Variants in PTPRK observed in about 807,000 individuals in gnomAD.
PTPRK encodes the protein receptor-type tyrosine-protein phosphatase kappa.
Under a neutral mutation model 178.0 loss-of-function variants are expected in PTPRK, and 75 were observed. The observed-to-expected ratio is 0.42, with a 90% CI of 0.35 to 0.51. The LOEUF (loss-of-function observed/expected upper bound fraction) is 0.51. PTPRK is among the 20% of genes least tolerant of loss of function. The pLI is 0.02. For synonymous variants in PTPRK, 637 were observed against 620.6 expected, an observed-to-expected ratio of 1.03 and a Z score of -0.39; for missense variants, 1,441 against 1,797.8, an observed-to-expected ratio of 0.80 and a Z score of 3.59.
Position 128,375,665 on chromosome 6 carries a change from A to G in PTPRK, c.223+21901T>C, listed in dbSNP as rs548132403. 6.6e-5 allele frequency among the ~76,000 whole-genome samples: 10 copies of G among 152,274 alleles called. No individual in the cohort carries two copies. The South Asian group carries it at 1.2e-3, about 19-fold the overall frequency. ...GTCCCCCAAAGTCTCAGCTCATTTC[A>G]GCATTAACTCAAAAGTCCACAGTCC... On this transcript the variant is annotated intron_variant, in intron 2 of 29. Transcript: ENST00000368226.
intron 1 of PTPRK, among the ~76,000 whole-genome samples, chr6:128,442,105 A>G (rs576196996): frequency 6.6e-6 from 1 of 152,316 alleles, no homozygotes; most frequent in South Asian, 2.1e-4. Context: ...TCTTCAAAAT[A>G]CTTCATAATG....
In PTPRK at chr6:127,970,056, T is replaced by C. The variant is rs185391565; in HGVS notation, c.*171A>G. On this transcript the variant is annotated 3_prime_UTR_variant, in exon 30 of 30. Transcript: ENST00000368226. ...ATAGTAATAAAAACTAATTCAGTCC[T>C]TTTTATTAAGATACACAACTTCATA... The C allele has an allele frequency of 1.9e-3, 927 of 500,768 alleles. 7 individuals carry two copies. Among genetic ancestry groups the C allele is most frequent in the African/African-American group, 0.017 (842 of 50,604 alleles). 31.0% of individuals were successfully genotyped at this position (500,768 alleles called of 1,614,324 possible).
chr6:128,137,805 A>T (rs1318634533), intron 7 of PTPRK, among the ~76,000 whole-genome samples: 1 of 152,170 alleles, frequency 6.6e-6, no homozygotes, highest in East Asian at 1.9e-4. Flanking sequence ...AGTAATGCAA[A>T]ATTTAGTAGG....
At chr6:128,187,960 A>G (rs560532879) in intron 6 of PTPRK, among the ~76,000 whole-genome samples, 2 of 152,252 alleles carry the variant, frequency 1.3e-5, no homozygotes, top group African/African-American at 4.8e-5. Context: ...TAAAATTTCT[A>G]TTCATTTCAA....
chr6:128,232,394 TA>T (rs1201442792), intron 5 of PTPRK, among the ~76,000 whole-genome samples: 2 of 152,218 alleles, frequency 1.3e-5, no homozygotes, highest in Non-Finnish European at 2.9e-5. Flanking sequence ...AAAAGTATCT[TA>T]AAAAGTAGTT....
chr6:128,115,692 G>A (rs1041422560), intron 7 of PTPRK, among the ~76,000 whole-genome samples: 1 of 151,822 alleles, frequency 6.6e-6, no homozygotes, highest in East Asian at 1.9e-4. Flanking sequence ...AGATATAAAA[G>A]GGATTTCAAA....
At position 127,998,758 on chromosome 6, in the gene PTPRK, TC is replaced by T; in HGVS notation, c.2640del (p.Met880IlefsTer26). ...TTGAACCCATAGCTGTCTGATGTCT[TC>T]ATGAGATTAATGTGCTGCAGTAAAT... ...VADLLQHINL[M>X]KTSDSYGFKE... On this transcript the variant is annotated frameshift_variant, in exon 16 of 30. Transcript: ENST00000368226. LOFTEE classifies it high-confidence loss of function. 6.2e-7 allele frequency: 1 copy of T among 1,607,068 alleles called. No individual in the cohort carries two copies. Among genetic ancestry groups the T allele is most frequent in the Non-Finnish European group, 8.5e-7 (1 of 1,175,654 alleles).
chr6:128,132,414 C>T (rs113906853), intron 7 of PTPRK, among the ~76,000 whole-genome samples: 3,880 of 152,262 alleles, frequency 0.025, 76 homozygotes, highest in Middle Eastern at 0.095. Flanking sequence ...CCTCGTGATC[C>T]GCCCGCCTCG....
intron 5 of PTPRK, among the ~76,000 whole-genome samples, chr6:128,228,837 A>G (rs1412785222): frequency 2.0e-5 from 3 of 152,202 alleles, no homozygotes; most frequent in African/African-American, 7.2e-5. Flanking sequence ...GCATATCTAG[A>G]AAAAATAGGT....
intron 7 of PTPRK, among the ~76,000 whole-genome samples, chr6:128,099,192 A>ATT (rs1262281160): frequency 2.7e-4 from 40 of 149,398 alleles, no homozygotes; most frequent in African/African-American, 8.9e-4. Context: ...ATATATATAT[A>ATT]TATATTTTTT....
intron 3 of PTPRK, among the ~76,000 whole-genome samples, chr6:128,293,764 T>C (rs1020437662): frequency 6.6e-6 from 1 of 152,222 alleles, no homozygotes; most frequent in South Asian, 2.1e-4. Context: ...TACAATTAAA[T>C]AACAATAACA....
chr6:128,341,399 C>G (rs1178626244), intron 2 of PTPRK, among the ~76,000 whole-genome samples: 1 of 152,100 alleles, frequency 6.6e-6, no homozygotes, highest in East Asian at 1.9e-4. Context: ...GTAATAAACT[C>G]AGACTCAAAC....
At chr6:128,020,786 T>C (rs1773389051) in intron 13 of PTPRK, among the ~76,000 whole-genome samples, 1 of 152,198 alleles carries the variant, frequency 6.6e-6, no homozygotes, top group Non-Finnish European at 1.5e-5. Context: ...AAATGAAGGG[T>C]TAAGACTAGC....
chr6:128,357,771 C>T (rs192788479), intron 2 of PTPRK, among the ~76,000 whole-genome samples: 13 of 152,256 alleles, frequency 8.5e-5, no homozygotes, highest in Admixed American at 7.2e-4. Flanking sequence ...TTACAATTAC[C>T]TTATTGCTGA....
chr6:128,343,023 C>A (rs980461443), intron 2 of PTPRK, among the ~76,000 whole-genome samples: 3 of 152,100 alleles, frequency 2.0e-5, no homozygotes, highest in Admixed American at 6.5e-5. Context: ...TGAATTAAAT[C>A]TTTCTTATTG....
chr6:128,229,841 A>G (rs1812004777), intron 5 of PTPRK, among the ~76,000 whole-genome samples: 1 of 152,228 alleles, frequency 6.6e-6, no homozygotes, highest in Admixed American at 6.5e-5. Flanking sequence ...CTCATTTTAA[A>G]CTAGTAAATA....
At chr6:128,392,921 G>A (rs1363758666) in intron 2 of PTPRK, among the ~76,000 whole-genome samples, 1 of 151,946 alleles carries the variant, frequency 6.6e-6, no homozygotes, top group Non-Finnish European at 1.5e-5. Flanking sequence ...TTGGTAAATG[G>A]GGTATTTTTG....
intron 2 of PTPRK, among the ~76,000 whole-genome samples, chr6:128,322,905 T>C (rs886916347): frequency 6.6e-6 from 1 of 152,038 alleles, no homozygotes; most frequent in Non-Finnish European, 1.5e-5. Flanking sequence ...GGACACTTTG[T>C]AGTGTCAGTA....
intron 2 of PTPRK, among the ~76,000 whole-genome samples, chr6:128,356,459 C>T (rs1454942093): frequency 6.6e-6 from 1 of 152,268 alleles, no homozygotes; most frequent in African/African-American, 2.4e-5. Flanking sequence ...AGGCATTTTT[C>T]ATTTCTCATC....
Sources: allele counts gnomAD v4.1 joint callset (sites outside exome capture counted in the v4.1 genomes callset), GRCh38; gene constraint gnomAD v4.1.1; transcripts MANE v1.5; gene names NCBI Gene and HGNC (gene_info 2026-07-23, HGNC 2026-07-21).